The following KDM7A variants were observed in gnomAD, a reference collection of about 807,000 sequenced individuals.
KDM7A encodes lysine demethylase 7A, also known as lysine-specific demethylase 7A.
A neutral mutation model predicts 114.8 loss-of-function variants in KDM7A; 28 were observed. That is an observed-to-expected ratio of 0.24 (90% CI 0.18 to 0.33). The LOEUF is 0.33. Ranked by LOEUF, KDM7A falls within the 10% of genes least tolerant of loss-of-function variation. KDM7A has a pLI of 1.00. For synonymous variants in KDM7A, 423 were observed against 397.8 expected (o/e 1.06, Z -0.75); for missense variants, 942 against 1,142.5 (o/e 0.82, Z 2.53).
At chr7:140,166,204 T>C (rs1357223608) in intron 1 of KDM7A, among the ~76,000 whole-genome samples, 2 of 152,094 alleles carry the variant, frequency 1.3e-5, no homozygotes, top group Admixed American at 1.3e-4. Context: ...CACTACTGTA[T>C]ATGCATATTA....
rs1352019330 is a variant in KDM7A, at chr7:140,087,800, A to G, written c.*3294T>C. The G allele has an allele frequency of 6.6e-6, 1 of 152,240 alleles. No individual in the cohort carries two copies. The highest frequency in any genetic ancestry group is 2.4e-5 in the African/African-American group (1 of 41,470). The allele number at this position is 152,240 out of a possible 1,614,324, so 9.4% of individuals were successfully genotyped here. ...GAAGCATTTCTTTAATTGTGAAATT[A>G]CTTTCACTTCTACAGTGGCATATCT... On this transcript the variant is annotated 3_prime_UTR_variant, in exon 20 of 20. Transcript: ENST00000397560.
At chr7:140,148,239 G>T (rs1219792587) in intron 1 of KDM7A, among the ~76,000 whole-genome samples, 1 of 151,610 alleles carries the variant, frequency 6.6e-6, no homozygotes, top group Non-Finnish European at 1.5e-5. Context: ...AAAAAAGAGA[G>T]AATTTGTTTT....
At chr7:140,118,725 T>C (rs1314226394) in intron 9 of KDM7A, among the ~76,000 whole-genome samples, 1 of 152,128 alleles carries the variant, frequency 6.6e-6, no homozygotes, top group Non-Finnish European at 1.5e-5. Context: ...CTAGTTTGCT[T>C]TTTTAAAAGC....
In KDM7A at chr7:140,126,670, G is replaced by A; in HGVS notation, c.855C>T (p.Phe285=). ...CATGGTACCAGACTGAAGTTCCACC[G>A]AAGTCAATGTGGAAATCTGTATAGC... ...QDSYTDFHID[F]GGTSVWYHVL... is the part of the protein sequence containing the mutation. The change falls in exon 6 of 20, where the codon TTC becomes TTT. Residue 285 remains phenylalanine (F), a synonymous_variant. Coordinates refer to ENST00000397560, the MANE Select transcript of KDM7A (RefSeq NM_030647.2). The A allele has an allele frequency of 2.5e-6, 4 of 1,612,830 alleles. No homozygotes were observed. Among genetic ancestry groups the A allele is most frequent in the Non-Finnish European group, 2.5e-6 (3 of 1,179,338 alleles).
At chr7:140,150,749 T>C (rs932192708) in intron 1 of KDM7A, among the ~76,000 whole-genome samples, 3 of 151,732 alleles carry the variant, frequency 2.0e-5, no homozygotes, top group East Asian at 1.9e-4. Context: ...TGTTTATTTT[T>C]AAAAAGAAAA....
chr7:140,162,337 CAAA>C (rs57973867), intron 1 of KDM7A, among the ~76,000 whole-genome samples: 11 of 133,308 alleles, frequency 8.3e-5, no homozygotes, highest in Non-Finnish European at 9.7e-5. Context: ...CTCAGTCTCC[CAAA>C]AAAAAAAAAA....
intron 9 of KDM7A, among the ~76,000 whole-genome samples, chr7:140,116,088 T>C (rs1199786478): frequency 1.3e-5 from 2 of 152,174 alleles, no homozygotes; most frequent in East Asian, 1.9e-4. Context: ...AAATGGGAAT[T>C]GGAAACAATT....
At chr7:140,141,823 C>T (rs1355661966) in intron 1 of KDM7A, among the ~76,000 whole-genome samples, 2 of 150,956 alleles carry the variant, frequency 1.3e-5, no homozygotes, top group South Asian at 2.1e-4. Context: ...GAACCCAGGA[C>T]GTGGAGGTTG....
At position 140,176,573 on chromosome 7, in the gene KDM7A, C is replaced by G. The variant is rs1179051541; in HGVS notation, c.194+171G>C. On this transcript the variant is annotated intron_variant, in intron 1 of 19. Transcript: ENST00000397560. The surrounding 1 kb of genome is among the most constrained non-coding windows in gnomAD (Gnocchi z 4.4). ...TCCCCTCTGGAGCCCGCCCGGCGAACCCGGGGCACCGCGCGCCCCACTGCC... is the reference window on the plus strand; with the variant it reads ...TCCCCTCTGGAGCCCGCCCGGCGAAGCCGGGGCACCGCGCGCCCCACTGCC... Among the ~76,000 whole-genome samples the G allele has an allele frequency of 1.4e-5, 2 of 146,666 alleles. No homozygotes were observed. The highest frequency in any genetic ancestry group is 4.0e-4 in the East Asian group (2 of 5,044).
chr7:140,090,965 A>G lies in KDM7A; in HGVS notation c.*129T>C. 1.5e-6 allele frequency: 1 copy of G among 673,968 alleles called. No individual in the cohort carries two copies. The highest frequency in any genetic ancestry group is 2.7e-6 in the Non-Finnish European group (1 of 374,088). The allele number at this position is 673,968 out of a possible 1,614,324, so 41.7% of individuals were successfully genotyped here. On this transcript the variant is annotated 3_prime_UTR_variant, in exon 20 of 20. Coordinates refer to ENST00000397560, the MANE Select transcript of KDM7A (RefSeq NM_030647.2). ...ACAGTGAAAATGCAGCATCAGGTTC[A>G]TTCTGTTCTTCGGGCAGTGTTCTTA...
intron 1 of KDM7A, among the ~76,000 whole-genome samples, chr7:140,150,092 C>A (rs1357134821): frequency 1.3e-5 from 2 of 152,148 alleles, no homozygotes; most frequent in Non-Finnish European, 1.5e-5. Flanking sequence ...CCTCCCTTAA[C>A]ACTAAGGAAA....
intron 2 of KDM7A, among the ~76,000 whole-genome samples, chr7:140,137,623 A>G (rs981534307): frequency 1.2e-4 from 19 of 152,212 alleles, no homozygotes; most frequent in Admixed American, 1.0e-3. Flanking sequence ...TCAATTACAC[A>G]TGTAACAGTT....
intron 1 of KDM7A, among the ~76,000 whole-genome samples, chr7:140,160,207 A>G (rs1469480931): frequency 2.0e-5 from 3 of 152,238 alleles, no homozygotes; most frequent in African/African-American, 4.8e-5. Context: ...ATAAGCAACA[A>G]AAGTGTTACA....
chr7:140,123,122 T>A (rs1037940438), intron 7 of KDM7A, among the ~76,000 whole-genome samples: 2 of 152,162 alleles, frequency 1.3e-5, no homozygotes, highest in Non-Finnish European at 2.9e-5. Flanking sequence ...CATTACTCAT[T>A]AAGGAAATGC....
chr7:140,176,830 CG>C lies in KDM7A; in HGVS notation c.107del (p.Pro36ArgfsTer13). ...PGRASAPPPP[P>X]PVYCVCRQPY... ...GCTGCCGGCACACACAGTACACGGG[CG>C]GGGGCGGCGGAGGCGCCGAGGCCCG... On this transcript the variant is annotated frameshift_variant, in exon 1 of 20. Coordinates refer to ENST00000397560, the MANE Select transcript of KDM7A (RefSeq NM_030647.2). LOFTEE classifies it high-confidence loss of function. This position sits in a 1 kb window ranked among gnomAD's most constrained non-coding sequence, Gnocchi z 4.4. 6.7e-6 allele frequency: 9 copies of C among 1,336,950 alleles called. No individual in the cohort carries two copies. Among genetic ancestry groups the C allele is most frequent in the South Asian group, 3.5e-5 (2 of 57,180 alleles). The allele number at this position is 1,336,950 out of a possible 1,614,324, so 82.8% of individuals were successfully genotyped here. A position where few individuals can be genotyped will look rare whatever the true frequency, so the allele number is the denominator to read the frequency against.
At position 140,114,817 on chromosome 7, in the gene KDM7A, G is replaced by A. The variant is rs531530291; in HGVS notation, c.1247-1235C>T. ...ATGTGAGGAGCACCTCTGCCCGGCCGCGACCCCGTCTGGGAGGTGAGGAGC... is the reference window on the plus strand; with the variant it reads ...ATGTGAGGAGCACCTCTGCCCGGCCACGACCCCGTCTGGGAGGTGAGGAGC... On this transcript the variant is annotated intron_variant, in intron 9 of 19. Transcript: ENST00000397560. Among the ~76,000 whole-genome samples, 20 of 149,706 alleles carry A rather than the reference G, an allele frequency of 1.3e-4. No individual in the cohort carries two copies. In the South Asian group the frequency reaches 3.2e-3, roughly 24 times the overall value.
At chr7:140,137,149 G>A (rs1486283361) in intron 2 of KDM7A, among the ~76,000 whole-genome samples, 3 of 152,108 alleles carry the variant, frequency 2.0e-5, no homozygotes, top group African/African-American at 7.2e-5. Context: ...TGTTTTCCCT[G>A]TAAGTACACA....
intron 11 of KDM7A, among the ~76,000 whole-genome samples, chr7:140,107,390 G>A (rs1818355940): frequency 6.6e-6 from 1 of 152,194 alleles, no homozygotes; most frequent in African/African-American, 2.4e-5. Flanking sequence ...AATTTGGCAT[G>A]TTTTTGCAGT....
Position 140,119,186 on chromosome 7 carries a change from T to A in KDM7A, c.1173A>T (p.Pro391=). The change falls in exon 9 of 20, where the codon CCA becomes CCT. Residue 391 remains proline (P), a synonymous_variant. Transcript: ENST00000397560. ...CYEMEKRLKT[P]DLFKFPFFEA... is the part of the protein sequence containing the mutation. ...CAAAGAAAGGGAATTTGAAAAGATC[T>A]GGTGTTTTTAGCCTTTTCTCCATCT... The A allele has an allele frequency of 6.2e-7, 1 of 1,608,378 alleles. No homozygotes were observed. The highest frequency in any genetic ancestry group is 8.5e-7 in the Non-Finnish European group (1 of 1,176,186).
Sources: gnomAD v4.1 joint callset for allele counts (sites outside exome capture counted in the v4.1 genomes callset) on GRCh38, gnomAD v4.1.1 for gene constraint, Gnocchi (gnomAD v3.1) non-coding constraint, MANE v1.5 for transcripts, NCBI Gene and HGNC (gene_info 2026-07-23, HGNC 2026-07-21) for gene names.